Variants in HFM1 observed in about 807,000 individuals in gnomAD.
HFM1 encodes helicase for meiosis 1, also known as probable ATP-dependent DNA helicase HFM1.
A neutral mutation model predicts 192.1 loss-of-function variants in HFM1; 169 were observed. The observed-to-expected ratio is 0.88, with a 90% CI of 0.78 to 1.00. The LOEUF (loss-of-function observed/expected upper bound fraction) is 1.00, where lower values mean the gene tolerates loss of function less well. Ranked by LOEUF, HFM1 falls within the 50% of genes least tolerant of loss-of-function variation. The probability of loss-of-function intolerance (pLI) is 0.00; values close to 1 mark genes in which losing one functional copy is unlikely to be tolerated. For missense variants in HFM1, 1,661 were observed against 1,668.0 expected (o/e 1.00, Z 0.07); for synonymous variants, 525 against 537.8 (o/e 0.98, Z 0.33).
At chr1:91,370,275 G>A (rs1471095983) in intron 13 of HFM1, among the ~76,000 whole-genome samples, 1 of 152,120 alleles carries the variant, frequency 6.6e-6, no homozygotes, top group Non-Finnish European at 1.5e-5. Flanking sequence ...AAGCCTGGCA[G>A]AGACACAACA....
At chr1:91,396,151 T>C in intron 3 of HFM1, 142 bp downstream of exon 3, 1 of 456,116 alleles carries the variant, frequency 2.2e-6, no homozygotes. Flanking sequence ...CAATACCCAA[T>C]ATGAGTATAC....
chr1:91,285,931 A>G (rs1233483679), intron 30 of HFM1, among the ~76,000 whole-genome samples: 3 of 152,146 alleles, frequency 2.0e-5, no homozygotes, highest in East Asian at 1.9e-4. Flanking sequence ...AGGTGTCTCA[A>G]TGATCAAATC....
intron 30 of HFM1, among the ~76,000 whole-genome samples, chr1:91,308,821 A>T (rs552433756): frequency 6.6e-6 from 1 of 152,318 alleles, no homozygotes; most frequent in African/African-American, 2.4e-5. Flanking sequence ...TCACCAGAAG[A>T]AGTTTCCCTT....
At chr1:91,404,024 T>C (rs370804269) in intron 1 of HFM1, among the ~76,000 whole-genome samples, 1 of 152,348 alleles carries the variant, frequency 6.6e-6, no homozygotes, top group East Asian at 1.9e-4. Flanking sequence ...TAGAAATTTT[T>C]GTGAGTTAAG....
chr1:91,381,153 G>A (rs902695323), intron 6 of HFM1, among the ~76,000 whole-genome samples, 171 bp from the exon 7 acceptor site: 3 of 152,074 alleles, frequency 2.0e-5, no homozygotes, highest in Non-Finnish European at 4.4e-5. Flanking sequence ...CTAGTCTCCA[G>A]TCACACTCCA....
chr1:91,266,111 T>A lies in HFM1; in HGVS notation c.3884-4A>T, dbSNP rs78667053. On this transcript the variant is annotated splice_polypyrimidine_tract_variant and splice_region_variant and intron_variant, in intron 35 of 38. Transcript: ENST00000370425. Reference sequence around the variant, plus strand: ...GAACTCAAAGTGTTTCCAAATCCTATGTGAAGAGATAACATTTTGAAACAA... The same window carrying A: ...GAACTCAAAGTGTTTCCAAATCCTAAGTGAAGAGATAACATTTTGAAACAA... The A allele has an allele frequency of 3.4e-4, 533 of 1,588,128 alleles. 5 individuals are homozygous for A. The African/African-American group carries it at 6.8e-3, about 20-fold the overall frequency.
intron 30 of HFM1, among the ~76,000 whole-genome samples, chr1:91,288,010 A>C (rs1455419570): frequency 2.6e-5 from 4 of 152,024 alleles, no homozygotes; most frequent in Non-Finnish European, 4.4e-5. Flanking sequence ...ATATGGGACT[A>C]TGTGAAAAGA....
At chr1:91,334,821 C>T (rs192370027) in intron 20 of HFM1, among the ~76,000 whole-genome samples, 3 of 151,258 alleles carry the variant, frequency 2.0e-5, no homozygotes, top group Admixed American at 6.6e-5. Context: ...CCCAGCTACT[C>T]AGGAGGCTGA....
At chr1:91,309,086 T>A (rs897651990) in intron 30 of HFM1, among the ~76,000 whole-genome samples, 5 of 152,212 alleles carry the variant, frequency 3.3e-5, no homozygotes, top group Admixed American at 1.3e-4. Context: ...AGGAAGAAGA[T>A]GAAGGCTCAT....
intron 1 of HFM1, 78 bp from the exon 2 acceptor site, chr1:91,401,187 CCACAG>C: frequency 1.5e-6 from 1 of 666,922 alleles, no homozygotes; most frequent in South Asian, 2.0e-5. Flanking sequence ...CACTAATTTT[CCACAG>C]TCTCCTGTAA....
At chr1:91,286,999 C>T (rs1346876335) in intron 30 of HFM1, among the ~76,000 whole-genome samples, 7 of 152,236 alleles carry the variant, frequency 4.6e-5, no homozygotes, top group South Asian at 2.1e-4. Flanking sequence ...GCACCTGGCT[C>T]AGAGGGTCCT....
At chr1:91,272,666 C>G (rs149724640) in intron 34 of HFM1, among the ~76,000 whole-genome samples, 5 of 151,892 alleles carry the variant, frequency 3.3e-5, no homozygotes, top group Non-Finnish European at 4.4e-5. Flanking sequence ...ACTTCCTATC[C>G]GCTTTGTAAT....
intron 4 of HFM1, among the ~76,000 whole-genome samples, chr1:91,386,102 T>A (rs1662187548): frequency 6.6e-6 from 1 of 152,092 alleles, no homozygotes; most frequent in Non-Finnish European, 1.5e-5. Flanking sequence ...CCCTTTACAG[T>A]CTCCTACAAA....
intron 34 of HFM1, among the ~76,000 whole-genome samples, chr1:91,272,364 G>C (rs1666387090): frequency 6.6e-6 from 1 of 151,640 alleles, no homozygotes; most frequent in Non-Finnish European, 1.5e-5. Context: ...ATACCATGCA[G>C]CAACTTCTTA....
chr1:91,375,215 T>C (rs941406847), intron 13 of HFM1, 143 bp downstream of exon 13: 2 of 607,086 alleles, frequency 3.3e-6, no homozygotes, highest in Non-Finnish European at 2.9e-6. Context: ...TCTCACTTAA[T>C]CCTCAAAATT....
At chr1:91,386,559 T>C (rs1341086525) in intron 4 of HFM1, among the ~76,000 whole-genome samples, 2 of 152,236 alleles carry the variant, frequency 1.3e-5, no homozygotes, top group Admixed American at 6.5e-5. Flanking sequence ...ATAATGTTCA[T>C]TGTTGTTTTA....
At chr1:91,372,765 A>G (rs998480253) in intron 13 of HFM1, among the ~76,000 whole-genome samples, 19 of 152,142 alleles carry the variant, frequency 1.2e-4, no homozygotes, top group Non-Finnish European at 2.5e-4. Context: ...GAATGCTATA[A>G]AACTACATGC....
chr1:91,298,361 T>C (rs1648047466), intron 30 of HFM1, among the ~76,000 whole-genome samples: 1 of 152,180 alleles, frequency 6.6e-6, no homozygotes, highest in Non-Finnish European at 1.5e-5. Context: ...TGGAAAACGC[T>C]CTGCAGGATA....
chr1:91,358,952 T>C (rs1243434974), intron 13 of HFM1, among the ~76,000 whole-genome samples: 1 of 152,282 alleles, frequency 6.6e-6, no homozygotes. Flanking sequence ...ACTGGTGATA[T>C]TTCCAGGTAC....
Sources: gnomAD v4.1 joint callset for allele counts (sites outside exome capture counted in the v4.1 genomes callset) on GRCh38, gnomAD v4.1.1 for gene constraint, MANE v1.5 for transcripts, NCBI Gene and HGNC (gene_info 2026-07-23, HGNC 2026-07-21) for gene names.